USP54: variants seen among roughly 807,000 people sequenced by gnomAD.
USP54 encodes ubiquitin specific peptidase 54, also known as ubiquitin carboxyl-terminal hydrolase 54.
USP54 carries 87 observed loss-of-function variants against 170.5 expected under a neutral mutation model. The observed-to-expected ratio is 0.51, with a 90% CI of 0.43 to 0.61. The LOEUF is 0.61. Ranked by LOEUF, USP54 falls within the 20% of genes least tolerant of loss-of-function variation. The probability of loss-of-function intolerance (pLI) is 0.00; values close to 1 mark genes in which losing one functional copy is unlikely to be tolerated. For synonymous variants in USP54, 655 were observed against 742.8 expected, an observed-to-expected ratio of 0.88 and a Z score of 1.92; for missense variants, 1,786 against 2,047.8, an observed-to-expected ratio of 0.87 and a Z score of 2.47.
chr10:73,520,083 T>C (rs2061669888), intron 18 of USP54, 91 bp from the exon 19 acceptor site: 3 of 1,508,694 alleles, frequency 2.0e-6, no homozygotes, highest in South Asian at 1.2e-5. Context: ...AGCAAAGATA[T>C]GCAGTAAAAC....
At chr10:73,532,205 C>G (rs1277216786) in intron 12 of USP54, among the ~76,000 whole-genome samples, 1 of 151,730 alleles carries the variant, frequency 6.6e-6, no homozygotes. Flanking sequence ...CGGAGTCTCG[C>G]TCTGTCACCC....
chr10:73,571,617 T>G, intron 3 of USP54, 104 bp from the exon 4 acceptor site: 1 of 805,110 alleles, frequency 1.2e-6, no homozygotes. Context: ...GAAGATGTCT[T>G]TATTCCCAAA....
chr10:73,503,674 G>C (rs1158187464), intron 22 of USP54, among the ~76,000 whole-genome samples: 1 of 152,160 alleles, frequency 6.6e-6, no homozygotes, highest in African/African-American at 2.4e-5. Flanking sequence ...GAATTGCTTA[G>C]GAATTTATGA....
chr10:73,520,670 G>A (rs1216455422), intron 18 of USP54, among the ~76,000 whole-genome samples: 1 of 152,196 alleles, frequency 6.6e-6, no homozygotes, highest in Non-Finnish European at 1.5e-5. Context: ...GGCATGACTG[G>A]AGAAATCATC....
Position 73,541,892 on chromosome 10 carries a change from A to G in USP54, c.573-154T>C. Reference sequence around the variant, plus strand: ...AGGCTCAGTGTCCCATAAACACAGTAAGTACCTCTACCTGTCCCCAGATCC... The same window carrying G: ...AGGCTCAGTGTCCCATAAACACAGTGAGTACCTCTACCTGTCCCCAGATCC... On this transcript the variant is annotated intron_variant, in intron 7 of 23. Coordinates refer to ENST00000687698, the MANE Select transcript of USP54 (RefSeq NM_001391956.1). 4 of 666,810 alleles carry G rather than the reference A, an allele frequency of 6.0e-6. No homozygotes were observed. In the South Asian group the frequency reaches 7.3e-5, roughly 12 times the overall value. 41.3% of individuals were successfully genotyped at this position (666,810 alleles called of 1,614,324 possible).
intron 4 of USP54, among the ~76,000 whole-genome samples, chr10:73,563,101 A>G (rs2073449074): frequency 6.6e-6 from 1 of 151,928 alleles, no homozygotes; most frequent in Admixed American, 6.6e-5. Flanking sequence ...ACAGGCACAC[A>G]CCGACATGCC....
chr10:73,592,398 T>G (rs1431929230), upstream of USP54, among the ~76,000 whole-genome samples: 2 of 146,008 alleles, frequency 1.4e-5, no homozygotes, highest in African/African-American at 5.1e-5. Flanking sequence ...TGTCCAAAAC[T>G]AATTAAGCTC....
At chr10:73,622,459 A>G (rs960002548) in intron 1 of USP54, among the ~76,000 whole-genome samples, 1 of 151,716 alleles carries the variant, frequency 6.6e-6, no homozygotes, top group Non-Finnish European at 1.5e-5. Context: ...GAGTGGCTGG[A>G]ATTACTGGCA....
chr10:73,595,276 C>T (rs931745560), upstream of USP54, among the ~76,000 whole-genome samples: 1 of 152,146 alleles, frequency 6.6e-6, no homozygotes, highest in Non-Finnish European at 1.5e-5. Context: ...GGCTGGAGTG[C>T]AGTGGCTAGT....
chr10:73,540,252 G>T (rs552858531), intron 9 of USP54, among the ~76,000 whole-genome samples: 5 of 150,746 alleles, frequency 3.3e-5, no homozygotes, highest in African/African-American at 1.2e-4. Context: ...TATCATAAGA[G>T]GAGCCAGGAA....
At chr10:73,584,721 A>C (rs969596067) in intron 1 of USP54, among the ~76,000 whole-genome samples, 3 of 152,216 alleles carry the variant, frequency 2.0e-5, no homozygotes, top group Admixed American at 6.5e-5. Context: ...GGGTTTAAAC[A>C]CATTTTCCCT....
chr10:73,534,740 C>A lies in USP54; in HGVS notation c.1175G>T (p.Arg392Leu), dbSNP rs780205270. The change falls in exon 12 of 24, where the codon CGA (arginine) becomes CTA (leucine). Residue 392 changes from arginine to leucine, a missense_variant. Physicochemically the swap from Arg to Leu is moderately radical, Grantham distance 102. Coordinates refer to ENST00000687698, the MANE Select transcript of USP54 (RefSeq NM_001391956.1). Reference protein sequence around the residue: ...GREPSISSDTRTDSSTESYPY... With the variant: ...GREPSISSDTLTDSSTESYPY... ...ATAGCTCTCCGTTGAGGAATCTGTT[C>A]GAGTGTCACTTGAGATGGAGGGCTC... 1.2e-6 allele frequency: 2 copies of A among 1,613,884 alleles called. No homozygotes were observed. Among genetic ancestry groups the A allele is most frequent in the Non-Finnish European group, 1.7e-6 (2 of 1,179,908 alleles).
intron 1 of USP54, among the ~76,000 whole-genome samples, chr10:73,588,103 A>C (rs1341488662): frequency 6.6e-6 from 1 of 152,214 alleles, no homozygotes; most frequent in East Asian, 1.9e-4. Flanking sequence ...TAACTACTAT[A>C]AAAATTTCAG....
At chr10:73,611,545 C>T (rs2080142595) in intron 1 of USP54, 1 of 150,182 alleles carries the variant, frequency 6.7e-6, no homozygotes, top group Non-Finnish European at 1.5e-5. Context: ...AATCCCAGCA[C>T]TTTGGGAGGC....
At chr10:73,513,602 A>G (rs1410616941) in intron 20 of USP54, 1 of 152,216 alleles carries the variant, frequency 6.6e-6, no homozygotes, top group East Asian at 1.9e-4. Context: ...CAGATATAAC[A>G]TGAGAAAGTC....
intron 1 of USP54, among the ~76,000 whole-genome samples, chr10:73,586,064 C>T (rs1422297700): frequency 6.6e-6 from 1 of 152,060 alleles, no homozygotes; most frequent in Non-Finnish European, 1.5e-5. Context: ...ATGTCTGGCA[C>T]CAGCGTAAAG....
intron 1 of USP54, among the ~76,000 whole-genome samples, chr10:73,622,760 A>G (rs372766029): frequency 4.0e-5 from 6 of 151,862 alleles, no homozygotes; most frequent in African/African-American, 1.4e-4. Flanking sequence ...TGAGATCAGC[A>G]TGGGCAACAT....
chr10:73,571,784 G>A (rs942444899), intron 3 of USP54, among the ~76,000 whole-genome samples: 6 of 152,066 alleles, frequency 3.9e-5, no homozygotes, highest in African/African-American at 7.2e-5. Flanking sequence ...AATGTGATCC[G>A]GAAGAGGAAA....
intron 20 of USP54, among the ~76,000 whole-genome samples, chr10:73,510,769 G>C (rs1180324533): frequency 6.6e-6 from 1 of 151,788 alleles, no homozygotes; most frequent in Non-Finnish European, 1.5e-5. Context: ...CTTTACTTTT[G>C]AATATATTTG....
Sources: gnomAD v4.1 joint callset for allele counts (sites outside exome capture counted in the v4.1 genomes callset) on GRCh38, gnomAD v4.1.1 for gene constraint, MANE v1.5 for transcripts, NCBI Gene and HGNC (gene_info 2026-07-23, HGNC 2026-07-21) for gene names.